TIAM2: variants seen among roughly 807,000 people sequenced by gnomAD.
TIAM2 encodes TIAM Rac1 associated GEF 2, also known as rho guanine nucleotide exchange factor TIAM2.
Under a neutral mutation model 152.9 loss-of-function variants are expected in TIAM2, and 80 were observed. The observed-to-expected ratio is 0.52, with a 90% CI of 0.44 to 0.63. The LOEUF (loss-of-function observed/expected upper bound fraction) is 0.63, where lower values mean the gene tolerates loss of function less well. Ranked by LOEUF, TIAM2 falls within the 30% of genes least tolerant of loss-of-function variation. The pLI is 0.00. For synonymous variants in TIAM2, 804 were observed against 838.0 expected, an observed-to-expected ratio of 0.96 and a Z score of 0.70; for missense variants, 1,965 against 2,120.1, an observed-to-expected ratio of 0.93 and a Z score of 1.44.
At chr6:155,233,771 C>A (rs1782590474) in intron 15 of TIAM2, among the ~76,000 whole-genome samples, 1 of 152,050 alleles carries the variant, frequency 6.6e-6, no homozygotes, top group African/African-American at 2.4e-5. Flanking sequence ...CCAGCCTGGG[C>A]AACATAGTGA....
Position 155,257,269 on chromosome 6 carries a change from TTAAG to T in TIAM2, c.*150_*153del. ...TTTCCCACAAAATGGTTGTAAAGATTTAAGTTATTTTAATTTATTGTGGATCAGA... is the reference window on the plus strand; with the variant it reads ...TTTCCCACAAAATGGTTGTAAAGATTTTATTTTAATTTATTGTGGATCAGA... On this transcript the variant is annotated 3_prime_UTR_variant, in exon 27 of 27. Transcript: ENST00000682666. 1.1e-6 allele frequency: 1 copy of T among 882,106 alleles called. No homozygotes were observed. The highest frequency in any genetic ancestry group is 3.0e-5 in the Admixed American group (1 of 33,684). 54.6% of individuals were successfully genotyped at this position (882,106 alleles called of 1,614,324 possible). A position where few individuals can be genotyped will look rare whatever the true frequency, so the allele number is the denominator to read the frequency against.
chr6:155,082,602 A>G (rs1006307050), intron 1 of TIAM2, among the ~76,000 whole-genome samples: 1 of 151,778 alleles, frequency 6.6e-6, no homozygotes, highest in Non-Finnish European at 1.5e-5. Context: ...GTGAGCCAAG[A>G]TTGTACCATT....
In TIAM2 at chr6:155,129,112, C is replaced by T; in HGVS notation, c.-6-106C>T. On this transcript the variant is annotated intron_variant, in intron 3 of 26. Transcript: ENST00000682666. This position sits in a 1 kb window ranked among gnomAD's most constrained non-coding sequence, Gnocchi z 4.8. ...CCCTACTCCTCTGAGTCCTTCCAGG[C>T]ACTGAAGTTGCTGTGTAATATGCAG... 1 of 1,017,398 alleles carries T rather than the reference C, an allele frequency of 9.8e-7. No individual in the cohort carries two copies. The highest frequency in any genetic ancestry group is 1.4e-6 in the Non-Finnish European group (1 of 701,468). 63.0% of individuals were successfully genotyped at this position (1,017,398 alleles called of 1,614,324 possible). A position where few individuals can be genotyped will look rare whatever the true frequency, so the allele number is the denominator to read the frequency against.
At chr6:155,250,502 C>T (rs1783588538) in intron 21 of TIAM2, 5 of 1,518,672 alleles carry the variant, frequency 3.3e-6, no homozygotes, top group Admixed American at 3.9e-5. Flanking sequence ...CAGTCCTTCA[C>T]TCTGGCCAGT....
intron 1 of TIAM2, among the ~76,000 whole-genome samples, chr6:155,003,565 C>T (rs780599142): frequency 3.3e-5 from 5 of 152,286 alleles, no homozygotes; most frequent in Middle Eastern, 3.4e-3. Flanking sequence ...GAAGACTCGA[C>T]GCTCCCAGCT....
intron 1 of TIAM2, among the ~76,000 whole-genome samples, chr6:154,998,596 T>C (rs756297843): frequency 6.6e-6 from 1 of 152,222 alleles, no homozygotes; most frequent in Non-Finnish European, 1.5e-5. Context: ...TGAATTATCA[T>C]GCAAGCATTT....
intron 15 of TIAM2, among the ~76,000 whole-genome samples, chr6:155,238,329 G>A (rs922800870): frequency 2.0e-5 from 3 of 152,202 alleles, no homozygotes; most frequent in Admixed American, 6.5e-5. Context: ...CATTCAACAA[G>A]TCTCTAGGAA....
At chr6:155,119,533 A>G (rs1253863819) in intron 2 of TIAM2, among the ~76,000 whole-genome samples, 1 of 146,758 alleles carries the variant, frequency 6.8e-6, no homozygotes, top group African/African-American at 2.5e-5. Context: ...AGAGATGGGT[A>G]TCACCATGTT....
rs147887267 is a variant in TIAM2 at position 155,036,046 on chromosome 6, A to G, written c.-209+40554A>G. On this transcript the variant is annotated intron_variant, in intron 1 of 26. Coordinates refer to ENST00000682666, the MANE Select transcript of TIAM2 (RefSeq NM_012454.4). ...AAGCAAAGAAAGAAAAACCCTGTGT[A>G]CAGAGTATGTATCATTTAGGCTTTT... 3.3e-3 allele frequency among the ~76,000 whole-genome samples: 504 copies of G among 152,338 alleles called. 2 individuals carry two copies. The highest frequency in any genetic ancestry group is 0.012 in the African/African-American group (481 of 41,588).
At chr6:155,105,610 T>C (rs1305100340) in intron 2 of TIAM2, among the ~76,000 whole-genome samples, 6 of 151,838 alleles carry the variant, frequency 4.0e-5, no homozygotes, top group East Asian at 1.9e-4. Flanking sequence ...TTTTTTTTTT[T>C]CTGTTAGCTA....
rs1262973504 is a variant in TIAM2, at chr6:155,129,217, G to A, written c.-6-1G>A. ...TACTGATGCAACTGTTCTTAATTTA[G>A]GTTAAAATGGGCAACTCCGACAGTC... On this transcript the variant is annotated splice_acceptor_variant, in intron 3 of 26. Transcript: ENST00000682666. LOFTEE classifies it low-confidence loss of function (5UTR_SPLICE). This position sits in a 1 kb window ranked among gnomAD's most constrained non-coding sequence, Gnocchi z 4.8. 1.4e-5 allele frequency: 23 copies of A among 1,609,368 alleles called. No individual in the cohort carries two copies. Among genetic ancestry groups the A allele is most frequent in the Non-Finnish European group, 1.9e-5 (22 of 1,176,264 alleles).
chr6:155,190,760 G>A (rs1474212235), intron 14 of TIAM2, among the ~76,000 whole-genome samples: 2 of 152,116 alleles, frequency 1.3e-5, no homozygotes, highest in South Asian at 2.1e-4. Flanking sequence ...GAGTGAGCCG[G>A]CTCTCTGTGA....
rs926368846 is a variant in TIAM2, at chr6:155,156,466, C to T, written c.2029-7949C>T. ...GGTCAGGAGTTCAAGACTAGCCTGG[C>T]CAATGTGGTGAAACCCCGTCTCTAC... On this transcript the variant is annotated intron_variant, in intron 7 of 26. Transcript: ENST00000682666. The surrounding 1 kb of genome is among the most constrained non-coding windows in gnomAD (Gnocchi z 4.4). 2.6e-5 allele frequency among the ~76,000 whole-genome samples: 4 copies of T among 152,016 alleles called. No individual in the cohort carries two copies. Among genetic ancestry groups the T allele is most frequent in the South Asian group, 2.1e-4 (1 of 4,822 alleles).
At chr6:155,253,332 A>G in intron 24 of TIAM2, 1 of 397,344 alleles carries the variant, frequency 2.5e-6, no homozygotes, top group Non-Finnish European at 4.5e-6. Context: ...GATACCCTAA[A>G]ATGTGTTAGA....
chr6:155,250,891 A>C lies in TIAM2; in HGVS notation c.3952-22A>C, dbSNP rs202018908. The C allele has an allele frequency of 8.7e-6, 14 of 1,608,166 alleles. No individual in the cohort carries two copies. In the East Asian group the frequency reaches 3.1e-4, roughly 36 times the overall value. Reference sequence around the variant, plus strand: ...AGCCTGGGATTTCCGTATCTTCCTTACCTCCTGTTTTTACAATCTAGGTAA... The same window carrying C: ...AGCCTGGGATTTCCGTATCTTCCTTCCCTCCTGTTTTTACAATCTAGGTAA... On this transcript the variant is annotated intron_variant, in intron 21 of 26. Transcript: ENST00000682666.
At chr6:155,178,399 C>T (rs1453713626) in intron 10 of TIAM2, among the ~76,000 whole-genome samples, 2 of 152,006 alleles carry the variant, frequency 1.3e-5, no homozygotes, top group African/African-American at 4.8e-5. Context: ...TTAGGCTTAA[C>T]CTAACTAAAG....
At chr6:155,118,109 AG>A (rs1779057433) in intron 2 of TIAM2, among the ~76,000 whole-genome samples, 1 of 152,188 alleles carries the variant, frequency 6.6e-6, no homozygotes, top group African/African-American at 2.4e-5. Flanking sequence ...TTCTGGGAAC[AG>A]TGGGTAGGGG....
At chr6:155,219,824 C>T (rs74809446) in intron 15 of TIAM2, among the ~76,000 whole-genome samples, 4,141 of 151,876 alleles carry the variant, frequency 0.027, 81 homozygotes, top group Non-Finnish European at 0.041. Context: ...ATAACTTACA[C>T]GCTCTGTTCA....
chr6:155,158,236 A>G (rs1780173295), intron 7 of TIAM2, among the ~76,000 whole-genome samples: 1 of 152,244 alleles, frequency 6.6e-6, no homozygotes, highest in Non-Finnish European at 1.5e-5. Flanking sequence ...CTTTTAAAAA[A>G]AAATCATTAT....
Sources: gnomAD v4.1 joint callset for allele counts (sites outside exome capture counted in the v4.1 genomes callset) on GRCh38, gnomAD v4.1.1 for gene constraint, Gnocchi (gnomAD v3.1) non-coding constraint, MANE v1.5 for transcripts, NCBI Gene and HGNC (gene_info 2026-07-23, HGNC 2026-07-21) for gene names.